KLF8: variants seen among roughly 807,000 people sequenced by gnomAD.
The protein encoded by KLF8 is Krueppel-like factor 8.
KLF8 carries 10 observed loss-of-function variants against 18.2 expected under a neutral mutation model. That is an observed-to-expected ratio of 0.55 (90% CI 0.34 to 0.93). KLF8 has a LOEUF of 0.93. Ranked by LOEUF, KLF8 falls within the 40% of genes least tolerant of loss-of-function variation. The probability of loss-of-function intolerance (pLI) is 0.02; values close to 1 mark genes in which losing one functional copy is unlikely to be tolerated. For synonymous variants in KLF8, 109 were observed against 97.3 expected (o/e 1.12, Z -0.71); for missense variants, 264 against 277.9 (o/e 0.95, Z 0.36).
the KLF8 span, among the ~76,000 whole-genome samples, chrX:56,095,662 T>TA: frequency 1.3e-4 from 15 of 111,174 alleles, no homozygotes; most frequent in African/African-American, 3.6e-4. Flanking sequence ...AACCATTCTT[T>TA]AAAAAAAAGA....
At chrX:56,166,492 A>T in the KLF8 span, among the ~76,000 whole-genome samples, 3 of 112,084 alleles carry the variant, frequency 2.7e-5, no homozygotes, top group Non-Finnish European at 5.6e-5. Flanking sequence ...TGGGCCCCTG[A>T]AAGTATCTTG....
chrX:56,184,632 G>A, the KLF8 span, among the ~76,000 whole-genome samples: 380 of 111,633 alleles, frequency 3.4e-3, 2 homozygotes, highest in African/African-American at 0.012. Context: ...CCCGAGTAGC[G>A]GCAGACTGAC....
the KLF8 span, among the ~76,000 whole-genome samples, chrX:56,085,231 A>G: frequency 1.6e-4 from 18 of 111,536 alleles, no homozygotes; most frequent in South Asian, 2.7e-3. Flanking sequence ...GGTTCTCCAG[A>G]GAAACAAAAC....
chrX:56,204,990 C>T, the KLF8 span, among the ~76,000 whole-genome samples: 1 of 110,642 alleles, frequency 9.0e-6, no homozygotes, highest in Non-Finnish European at 1.9e-5. Context: ...GCAGAGAAAT[C>T]GAGCTGCAAA....
chrX:56,005,801 G>A, the KLF8 span, among the ~76,000 whole-genome samples: 7 of 112,263 alleles, frequency 6.2e-5, no homozygotes, highest in South Asian at 2.6e-3. Flanking sequence ...AGCGGTGCAG[G>A]TGAGGCTGCA....
the KLF8 span, among the ~76,000 whole-genome samples, chrX:56,049,392 T>G: frequency 9.0e-6 from 1 of 111,324 alleles, no homozygotes; most frequent in East Asian, 2.8e-4. Flanking sequence ...AGTATGATAT[T>G]GGCTGTGGGT....
the KLF8 span, among the ~76,000 whole-genome samples, chrX:55,936,945 G>C: frequency 9.8e-5 from 11 of 112,191 alleles, no homozygotes; most frequent in South Asian, 3.3e-3. Flanking sequence ...TCCACCTCTG[G>C]GGGCAGGGCA....
the KLF8 span, among the ~76,000 whole-genome samples, chrX:56,170,201 CT>C: frequency 1.8e-5 from 2 of 110,341 alleles, no homozygotes; most frequent in African/African-American, 6.6e-5. Flanking sequence ...ACCTGGAAAG[CT>C]TTCCCAAGCA....
the KLF8 span, among the ~76,000 whole-genome samples, chrX:56,020,135 A>G: frequency 8.9e-6 from 1 of 111,988 alleles, no homozygotes; most frequent in Non-Finnish European, 1.9e-5. Context: ...AGAATTCTAC[A>G]TACACCAAAT....
the KLF8 span, among the ~76,000 whole-genome samples, chrX:56,113,460 C>T: frequency 9.3e-6 from 1 of 107,002 alleles, no homozygotes; most frequent in South Asian, 4.0e-4. Flanking sequence ...CTTTTCCAAA[C>T]TAATTTTTGC....
chrX:56,175,302 G>T, the KLF8 span, among the ~76,000 whole-genome samples: 1 of 111,726 alleles, frequency 9.0e-6, no homozygotes, highest in African/African-American at 3.3e-5. Context: ...TTGTGTCTTT[G>T]TTCTTGTTGG....
chrX:56,255,928 C>G (rs1291317513), intron 2 of KLF8, among the ~76,000 whole-genome samples: 2 of 111,442 alleles, frequency 1.8e-5, no homozygotes, highest in East Asian at 5.6e-4. Context: ...AGTTCCTCCT[C>G]TATTTTTCAG....
the KLF8 span, among the ~76,000 whole-genome samples, chrX:56,103,694 A>G: frequency 9.0e-6 from 1 of 111,306 alleles, no homozygotes; most frequent in African/African-American, 3.3e-5. Flanking sequence ...CTAATTGAAT[A>G]CACTTTATTT....
chrX:56,033,348 G>A, the KLF8 span, among the ~76,000 whole-genome samples: 4 of 111,415 alleles, frequency 3.6e-5, no homozygotes, highest in African/African-American at 1.3e-4. Flanking sequence ...GCAAATGACA[G>A]GATTTTTTTC....
the KLF8 span, among the ~76,000 whole-genome samples, chrX:55,969,870 G>A: frequency 1.2e-4 from 13 of 110,844 alleles, no homozygotes; most frequent in African/African-American, 3.6e-4. Context: ...AACATACAAC[G>A]TATCTACATT....
At chrX:55,952,597 G>A in the KLF8 span, among the ~76,000 whole-genome samples, 1 of 111,844 alleles carries the variant, frequency 8.9e-6, no homozygotes, top group African/African-American at 3.3e-5. Context: ...GATTACAGTG[G>A]ACCCACTTGG....
At chrX:56,016,343 C>T in the KLF8 span, among the ~76,000 whole-genome samples, 2 of 112,147 alleles carry the variant, frequency 1.8e-5, no homozygotes, top group Admixed American at 1.9e-4. Context: ...AATGCTGAAG[C>T]CCTAGAAGCT....
chrX:55,978,422 C>T, the KLF8 span, among the ~76,000 whole-genome samples: 1 of 111,837 alleles, frequency 8.9e-6, no homozygotes, highest in Non-Finnish European at 1.9e-5. Flanking sequence ...TGTGTATACT[C>T]GTTATTTTCT....
At chrX:56,059,931 A>T in the KLF8 span, among the ~76,000 whole-genome samples, 1 of 111,823 alleles carries the variant, frequency 8.9e-6, no homozygotes. Context: ...TGAATCTATA[A>T]ATTACTTTAG....
Sources: gnomAD v4.1 joint callset for allele counts (sites outside exome capture counted in the v4.1 genomes callset) on GRCh38, gnomAD v4.1.1 for gene constraint, MANE v1.5 for transcripts, NCBI Gene and HGNC (gene_info 2026-07-23, HGNC 2026-07-21) for gene names.